Variants in CNGB3 observed in about 807,000 individuals in gnomAD.
CNGB3 encodes the protein cyclic nucleotide gated channel subunit beta 3.
Under a neutral mutation model 92.8 loss-of-function variants are expected in CNGB3, and 86 were observed. The ratio of observed to expected loss-of-function variants is 0.93; its 90% CI spans 0.78 to 1.11. CNGB3 has a LOEUF of 1.11. CNGB3 is among the 50% of genes least tolerant of loss of function. The pLI, the probability that CNGB3 is intolerant of heterozygous loss-of-function variation, is 0.00. For synonymous variants in CNGB3, 333 were observed against 332.7 expected, an observed-to-expected ratio of 1.00 and a Z score of -0.01; for missense variants, 1,026 against 956.8, an observed-to-expected ratio of 1.07 and a Z score of -0.95.
chr8:86,686,552 GAGA>G (rs1824191395), intron 3 of CNGB3, among the ~76,000 whole-genome samples: 1 of 152,136 alleles, frequency 6.6e-6, no homozygotes, highest in African/African-American at 2.4e-5. Context: ...TTTGATATTT[GAGA>G]AGAAGAGATA....
intron 17 of CNGB3, among the ~76,000 whole-genome samples, chr8:86,577,297 T>C (rs191683823): frequency 1.7e-4 from 26 of 152,366 alleles, no homozygotes; most frequent in Admixed American, 7.8e-4. Flanking sequence ...TTCAGTTTCT[T>C]CATCTATAAC....
At chr8:86,703,672 C>T (rs1824597930) in intron 3 of CNGB3, among the ~76,000 whole-genome samples, 2 of 152,088 alleles carry the variant, frequency 1.3e-5, no homozygotes, top group South Asian at 4.1e-4. Context: ...TGCTTTTGTT[C>T]GGCAGCCTGT....
intron 7 of CNGB3, among the ~76,000 whole-genome samples, chr8:86,652,586 T>C (rs1245542069): frequency 6.6e-6 from 1 of 152,052 alleles, no homozygotes; most frequent in Non-Finnish European, 1.5e-5. Flanking sequence ...AATGTTTTTA[T>C]TTTTACTTTT....
chr8:86,640,671 A>G (rs1336240673), intron 10 of CNGB3, among the ~76,000 whole-genome samples: 1 of 152,098 alleles, frequency 6.6e-6, no homozygotes, highest in Non-Finnish European at 1.5e-5. Flanking sequence ...ATTGCAAATA[A>G]AAGCCAATTA....
chr8:86,582,151 T>C (rs1308359909), intron 15 of CNGB3, among the ~76,000 whole-genome samples: 1 of 152,072 alleles, frequency 6.6e-6, no homozygotes, highest in Non-Finnish European at 1.5e-5. Flanking sequence ...TCCCAGCACT[T>C]TGGAAGGCTG....
intron 9 of CNGB3, among the ~76,000 whole-genome samples, 199 bp from the exon 10 acceptor site, chr8:86,644,072 T>A (rs1390900654): frequency 6.7e-6 from 1 of 149,828 alleles, no homozygotes. Flanking sequence ...ATTGACAGAG[T>A]GTAAAGAAAA....
intron 3 of CNGB3, among the ~76,000 whole-genome samples, chr8:86,681,343 G>A (rs544747988): frequency 4.6e-5 from 7 of 152,248 alleles, no homozygotes; most frequent in African/African-American, 1.7e-4. Flanking sequence ...CTAAACTGCC[G>A]AATGAACACA....
At chr8:86,696,348 T>G (rs2131643420) in intron 3 of CNGB3, among the ~76,000 whole-genome samples, 1 of 152,264 alleles carries the variant, frequency 6.6e-6, no homozygotes, top group African/African-American at 2.4e-5. Context: ...TTGCCCTGAG[T>G]TGGCCAGGAT....
At chr8:86,657,645 GC>G (rs1215374164) in intron 6 of CNGB3, 2 of 412,964 alleles carry the variant, frequency 4.8e-6, no homozygotes, top group Non-Finnish European at 9.7e-6. Flanking sequence ...GGCACCTGGA[GC>G]GGGCTAATCA....
At chr8:86,594,243 C>A in intron 15 of CNGB3, 1 of 257,034 alleles carries the variant, frequency 3.9e-6, no homozygotes, top group Non-Finnish European at 7.8e-6. Context: ...AAGCTGGAAC[C>A]AGTCCTTGCC....
Position 86,647,841 on chromosome 8 carries a change from A to G in CNGB3, c.950T>C (p.Phe317Ser). The part of the protein sequence containing the change: ...IIPFDICYLF[F>S]GFNPMFRANR... ...TGCTCTAAACATTGGATTAAACCCA[A>G]AGAAGAGGTAGCAAATATCAAATGG... is the stretch of plus-strand genomic sequence containing the variant. Residue 317 changes from phenylalanine to serine, a missense_variant, in exon 8 of 18, where the codon TTT (phenylalanine) becomes TCT (serine). By Grantham distance (155) the Phe-to-Ser change is radical. Transcript: ENST00000320005. The G allele has an allele frequency of 6.3e-7, 1 of 1,596,110 alleles. No individual in the cohort carries two copies. The highest frequency in any genetic ancestry group is 1.1e-5 in the South Asian group (1 of 90,636).
intron 6 of CNGB3, chr8:86,659,294 C>T (rs1275716348): frequency 8.7e-6 from 9 of 1,030,962 alleles, no homozygotes; most frequent in Non-Finnish European, 1.4e-5. Context: ...TAACCTGCCC[C>T]AGGTGTGCTT....
chr8:86,628,774 A>C (rs939231355), intron 12 of CNGB3, 145 bp downstream of exon 12: 23 of 836,744 alleles, frequency 2.7e-5, no homozygotes, highest in Non-Finnish European at 3.9e-5. Flanking sequence ...AAAAAAAAAA[A>C]CCTGTAGCAT....
rs757625098 is a variant in CNGB3, at chr8:86,619,273, A to G, written c.1578+6710T>C. On this transcript the variant is annotated intron_variant, in intron 13 of 17. Coordinates refer to ENST00000320005, the MANE Select transcript of CNGB3 (RefSeq NM_019098.5). ...AAATGTGATTTCCCCAGCATTTAAT[A>G]TGATAACATATATTTAAAAATCGAG... Among the ~76,000 whole-genome samples the G allele has an allele frequency of 1.3e-3, 191 of 152,334 alleles. 2 individuals carry two copies. In the Middle Eastern group the frequency reaches 0.014, roughly 11 times the overall value.
intron 3 of CNGB3, among the ~76,000 whole-genome samples, chr8:86,719,091 T>C (rs1464244642): frequency 6.6e-6 from 1 of 151,724 alleles, no homozygotes; most frequent in Non-Finnish European, 1.5e-5. Flanking sequence ...GTTGAAAGCA[T>C]TCCCCTTGAG....
At chr8:86,642,250 C>T (rs182822042) in intron 10 of CNGB3, among the ~76,000 whole-genome samples, 2 of 151,802 alleles carry the variant, frequency 1.3e-5, no homozygotes, top group Non-Finnish European at 3.0e-5. Context: ...CTATCAGCCA[C>T]AGTCATCTAA....
At chr8:86,666,169 T>C (rs1036512337) in intron 6 of CNGB3, among the ~76,000 whole-genome samples, 3 of 152,214 alleles carry the variant, frequency 2.0e-5, no homozygotes, top group Non-Finnish European at 4.4e-5. Context: ...AAGTGAACGG[T>C]AGACTGTAAT....
In CNGB3 at chr8:86,655,835, T is replaced by C. The variant is rs80209859; in HGVS notation, c.853-1773A>G. Among the ~76,000 whole-genome samples the C allele has an allele frequency of 1.1e-4, 16 of 152,288 alleles. No homozygotes were observed. In the East Asian group the frequency reaches 2.9e-3, roughly 28 times the overall value. ...TCAGACCTAAAATAATTAATTTGAA[T>C]ATTGGACTTTTATGTTTCACTTATA... On this transcript the variant is annotated intron_variant, in intron 6 of 17. Transcript: ENST00000320005.
chr8:86,676,325 CT>C (rs1282255636), intron 3 of CNGB3, among the ~76,000 whole-genome samples: 1 of 151,992 alleles, frequency 6.6e-6, no homozygotes, highest in Non-Finnish European at 1.5e-5. Flanking sequence ...ATGGACAGCA[CT>C]TTGATAATAT....
Sources: allele counts gnomAD v4.1 joint callset (sites outside exome capture counted in the v4.1 genomes callset), GRCh38; gene constraint gnomAD v4.1.1; transcripts MANE v1.5; gene names NCBI Gene and HGNC (gene_info 2026-07-23, HGNC 2026-07-21).